Variants in GRM7 observed in about 807,000 individuals in gnomAD.
GRM7 encodes the protein glutamate metabotropic receptor 7.
A neutral mutation model predicts 84.5 loss-of-function variants in GRM7; 35 were observed. The ratio of observed to expected loss-of-function variants is 0.41; its 90% confidence interval spans 0.32 to 0.55. The LOEUF (loss-of-function observed/expected upper bound fraction) is 0.55. Ranked by LOEUF, GRM7 falls within the 20% of genes least tolerant of loss-of-function variation. The pLI is 0.19. For missense variants in GRM7, 1,003 were observed against 1,194.6 expected (o/e 0.84, Z 2.36); for synonymous variants, 487 against 455.1 (o/e 1.07, Z -0.89).
At chr3:6,955,433 A>G (rs1002483160) in intron 1 of GRM7, among the ~76,000 whole-genome samples, 5 of 151,982 alleles carry the variant, frequency 3.3e-5, no homozygotes, top group Admixed American at 2.6e-4. Flanking sequence ...GCTACTCAGG[A>G]GACTGAGGCA....
At chr3:7,093,398 G>A (rs929159088) in intron 1 of GRM7, among the ~76,000 whole-genome samples, 2 of 151,456 alleles carry the variant, frequency 1.3e-5, no homozygotes, top group East Asian at 2.0e-4. Context: ...GTTAGTGGCC[G>A]GCCAGCCATG....
Position 7,705,303 on chromosome 3 carries a change from C to T in GRM7, c.2698+25008C>T, listed in dbSNP as rs558920140. ...AATGTTTACTCTACAATTACTCATTCGAATTAAAATTTCAGAGTGGCAGCT... is the reference window on the plus strand; with the variant it reads ...AATGTTTACTCTACAATTACTCATTTGAATTAAAATTTCAGAGTGGCAGCT... On this transcript the variant is annotated intron_variant, in intron 9 of 9. Coordinates refer to ENST00000357716, the MANE Select transcript of GRM7 (RefSeq NM_000844.4). 3.7e-4 allele frequency among the ~76,000 whole-genome samples: 57 copies of T among 152,158 alleles called. 1 individual carries two copies. The South Asian group carries it at 8.1e-3, about 22-fold the overall frequency.
chr3:6,950,725 C>T (rs1692716172), intron 1 of GRM7, among the ~76,000 whole-genome samples: 1 of 152,230 alleles, frequency 6.6e-6, no homozygotes, highest in South Asian at 2.1e-4. Flanking sequence ...TTCAGGGCCG[C>T]TTTGTTTACC....
chr3:6,925,441 C>T (rs1198468156), intron 1 of GRM7, among the ~76,000 whole-genome samples: 2 of 146,966 alleles, frequency 1.4e-5, no homozygotes, highest in East Asian at 1.9e-4. Flanking sequence ...AGGCCAAAAT[C>T]GAATCAATCA....
chr3:7,233,693 C>G (rs1387460408), intron 2 of GRM7, among the ~76,000 whole-genome samples: 1 of 152,054 alleles, frequency 6.6e-6, no homozygotes, highest in African/African-American at 2.4e-5. Flanking sequence ...TGTCAGATGA[C>G]TAGAACTGCT....
chr3:7,282,565 A>G (rs150232223), intron 2 of GRM7, among the ~76,000 whole-genome samples: 24 of 152,332 alleles, frequency 1.6e-4, no homozygotes, highest in Admixed American at 2.6e-4. Context: ...TTTCATTTGC[A>G]ACCTTATTTC....
intron 7 of GRM7, among the ~76,000 whole-genome samples, chr3:7,479,640 T>C (rs979082943): frequency 6.6e-6 from 1 of 152,216 alleles, no homozygotes; most frequent in Non-Finnish European, 1.5e-5. Flanking sequence ...CACTATGCTG[T>C]CTCACAGCTT....
At chr3:7,036,430 G>C (rs1380387493) in intron 1 of GRM7, among the ~76,000 whole-genome samples, 1 of 152,082 alleles carries the variant, frequency 6.6e-6, no homozygotes, top group East Asian at 1.9e-4. Context: ...TTTGAAAATG[G>C]AGAAAGATAT....
At chr3:6,934,615 C>T (rs905994839) in intron 1 of GRM7, among the ~76,000 whole-genome samples, 1 of 152,018 alleles carries the variant, frequency 6.6e-6, no homozygotes, top group Non-Finnish European at 1.5e-5. Flanking sequence ...ACAGACCATG[C>T]TAGTGGAGAA....
At chr3:6,995,291 G>A in intron 1 of GRM7, among the ~76,000 whole-genome samples, 1 of 152,292 alleles carries the variant, frequency 6.6e-6, no homozygotes, top group Non-Finnish European at 1.5e-5. Flanking sequence ...AACTACTCAA[G>A]TTTGTCATTT....
At chr3:7,198,888 G>A (rs1178796661) in intron 2 of GRM7, among the ~76,000 whole-genome samples, 1 of 152,202 alleles carries the variant, frequency 6.6e-6, no homozygotes, top group Non-Finnish European at 1.5e-5. Context: ...AAAGGGTGGT[G>A]AGGTTGAACA....
At chr3:7,516,275 A>G (rs1373124656) in intron 7 of GRM7, among the ~76,000 whole-genome samples, 1 of 151,524 alleles carries the variant, frequency 6.6e-6, no homozygotes, top group Non-Finnish European at 1.5e-5. Context: ...CAGTACATCA[A>G]GACCATCCTG....
At chr3:7,199,168 T>C (rs1030781848) in intron 2 of GRM7, among the ~76,000 whole-genome samples, 14 of 152,188 alleles carry the variant, frequency 9.2e-5, no homozygotes, top group African/African-American at 2.7e-4. Flanking sequence ...AACACTAATA[T>C]TTCCAGGTCT....
At chr3:7,291,972 C>G (rs1699646545) in intron 2 of GRM7, among the ~76,000 whole-genome samples, 1 of 152,158 alleles carries the variant, frequency 6.6e-6, no homozygotes, top group African/African-American at 2.4e-5. Context: ...AAGGGAAACC[C>G]ATTTCGCTTG....
intron 2 of GRM7, among the ~76,000 whole-genome samples, chr3:7,222,645 A>G (rs73126292): frequency 0.014 from 2,157 of 152,314 alleles, 42 homozygotes; most frequent in African/African-American, 0.05. Context: ...TCTGACCTAC[A>G]GAACTGTGAA....
At chr3:6,896,605 T>C (rs1327536104) in intron 1 of GRM7, among the ~76,000 whole-genome samples, 1 of 152,152 alleles carries the variant, frequency 6.6e-6, no homozygotes, top group Non-Finnish European at 1.5e-5. Flanking sequence ...ATTTAGGAGA[T>C]GTTCAATAAG....
At chr3:7,129,571 A>G (rs1693522248) in intron 1 of GRM7, among the ~76,000 whole-genome samples, 1 of 152,216 alleles carries the variant, frequency 6.6e-6, no homozygotes. Flanking sequence ...GGAAGGTAAC[A>G]TGGAAAGACT....
chr3:6,866,209 C>G (rs532890277), intron 1 of GRM7, among the ~76,000 whole-genome samples: 1 of 152,212 alleles, frequency 6.6e-6, no homozygotes, highest in Non-Finnish European at 1.5e-5. Context: ...TACATATATA[C>G]AGGTTATATC....
chr3:7,030,201 A>G (rs760110483), intron 1 of GRM7, among the ~76,000 whole-genome samples: 3 of 152,166 alleles, frequency 2.0e-5, no homozygotes, highest in Non-Finnish European at 4.4e-5. Context: ...AAAGGAGTAC[A>G]CTCTATCATG....
Sources: gnomAD v4.1 joint callset for allele counts (sites outside exome capture counted in the v4.1 genomes callset) on GRCh38, gnomAD v4.1.1 for gene constraint, MANE v1.5 for transcripts, NCBI Gene and HGNC (gene_info 2026-07-23, HGNC 2026-07-21) for gene names.